Variants in PLXNA4 observed in about 807,000 individuals in gnomAD.
PLXNA4 encodes plexin A4.
A neutral mutation model predicts 191.8 loss-of-function variants in PLXNA4; 44 were observed. The observed-to-expected ratio is 0.23, with a 90% CI of 0.18 to 0.29. PLXNA4 has a LOEUF of 0.29. Among genes scored for constraint, PLXNA4 ranks in the 10% least tolerant of loss-of-function variants. The probability of loss-of-function intolerance (pLI) is 1.00; values close to 1 mark genes in which losing one functional copy is unlikely to be tolerated. For missense variants in PLXNA4, 1,800 were observed against 2,488.8 expected, an observed-to-expected ratio of 0.72 and a Z score of 5.89; for synonymous variants, 1,082 against 1,009.5, an observed-to-expected ratio of 1.07 and a Z score of -1.36.
intron 9 of PLXNA4, among the ~76,000 whole-genome samples, chr7:132,220,379 C>T (rs1020958789): frequency 6.6e-5 from 10 of 152,186 alleles, no homozygotes; most frequent in Non-Finnish European, 1.3e-4. Flanking sequence ...CAAACCTAGA[C>T]CAGAAGCTCC....
At chr7:132,562,351 TTCC>T (rs1249293481) in intron 1 of PLXNA4, among the ~76,000 whole-genome samples, 6 of 77,042 alleles carry the variant, frequency 7.8e-5, no homozygotes, top group East Asian at 4.8e-4. Flanking sequence ...CTTCTTCTCC[TTCC>T]TCCTCCTCCT....
intron 3 of PLXNA4, among the ~76,000 whole-genome samples, chr7:132,413,941 C>T (rs549473759): frequency 1.3e-4 from 20 of 152,282 alleles, no homozygotes; most frequent in Non-Finnish European, 2.4e-4. Flanking sequence ...GTATGCACTC[C>T]GCCACCAGTC....
chr7:132,624,190 C>T (rs1803326461), intron 2 of PLXNA4, among the ~76,000 whole-genome samples: 1 of 152,192 alleles, frequency 6.6e-6, no homozygotes, highest in South Asian at 2.1e-4. Context: ...AGACTGGAAC[C>T]ACATCTTCAG....
chr7:132,574,722 CGGGGT>C (rs1160477444), intron 1 of PLXNA4, among the ~76,000 whole-genome samples: 1 of 152,202 alleles, frequency 6.6e-6, no homozygotes, highest in African/African-American at 2.4e-5. Flanking sequence ...ATCTCCCTCC[CGGGGT>C]GTCTGCGCTT....
intron 3 of PLXNA4, among the ~76,000 whole-genome samples, chr7:132,420,381 C>T (rs999941283): frequency 3.3e-5 from 5 of 152,192 alleles, no homozygotes; most frequent in South Asian, 2.1e-4. Context: ...TCTGCCCTTT[C>T]TAATACTTTT....
At chr7:132,548,638 T>G (rs920074047) in intron 1 of PLXNA4, among the ~76,000 whole-genome samples, 1 of 152,180 alleles carries the variant, frequency 6.6e-6, no homozygotes, top group African/African-American at 2.4e-5. Context: ...AATCTGTTAT[T>G]TCCTAGTTTG....
intron 14 of PLXNA4, among the ~76,000 whole-genome samples, chr7:132,190,600 T>C (rs1440640411): frequency 6.6e-6 from 1 of 152,210 alleles, no homozygotes; most frequent in Admixed American, 6.5e-5. Context: ...GCGCTGCCTA[T>C]GCACTGTGGG....
At chr7:132,643,534 T>C (rs1162708264) in intron 2 of PLXNA4, among the ~76,000 whole-genome samples, 1 of 152,076 alleles carries the variant, frequency 6.6e-6, no homozygotes, top group African/African-American at 2.4e-5. Context: ...GAGGCCGCAT[T>C]AGAACTGCTC....
At position 132,507,597 on chromosome 7, in the gene PLXNA4, C is replaced by T. The variant is rs757423478; in HGVS notation, c.1097G>A (p.Arg366His). Reference protein sequence around the residue: ...CIFILKQINDRIKERLQSCYR... With the variant: ...CIFILKQINDHIKERLQSCYR... Reference sequence around the variant, plus strand: ...ACAAGACTGCAGCCGCTCCTTAATGCGGTCATTTATCTGCTTCAAGATGAA... The same window carrying T: ...ACAAGACTGCAGCCGCTCCTTAATGTGGTCATTTATCTGCTTCAAGATGAA... The change falls in exon 2 of 32, where the codon CGC becomes CAC. Residue 366 changes from arginine to histidine, a missense_variant. By Grantham distance (29) the Arg-to-His change is conservative. This residue lies in a region of PLXNA4 where 1,397 missense variants were observed against 1,880.4 expected (regional missense o/e 0.74). Transcript: ENST00000321063. The T allele has an allele frequency of 3.1e-5, 50 of 1,613,990 alleles. No homozygotes were observed. In the Middle Eastern group the frequency reaches 6.6e-4, roughly 21 times the overall value.
chr7:132,521,159 G>A (rs1318175115), intron 1 of PLXNA4, among the ~76,000 whole-genome samples: 1 of 145,904 alleles, frequency 6.9e-6, no homozygotes, highest in Non-Finnish European at 1.5e-5. Flanking sequence ...GAAGCTGAAC[G>A]GAGATATATT....
intron 4 of PLXNA4, among the ~76,000 whole-genome samples, chr7:132,260,330 T>C (rs1367837003): frequency 1.3e-5 from 2 of 152,232 alleles, no homozygotes; most frequent in Non-Finnish European, 2.9e-5. Context: ...GTACTCATAA[T>C]AAAGAATGAG....
At chr7:132,134,116 C>G (rs1334396706) in intron 30 of PLXNA4, among the ~76,000 whole-genome samples, 1 of 152,152 alleles carries the variant, frequency 6.6e-6, no homozygotes, top group Non-Finnish European at 1.5e-5. Context: ...GTGCATGAAG[C>G]AAGGCACCTA....
intron 4 of PLXNA4, chr7:132,271,401 A>G (rs544232741): frequency 2.7e-5 from 4 of 149,994 alleles, no homozygotes; most frequent in South Asian, 2.1e-4. Context: ...AAATAAATAG[A>G]TAGGGAAACA....
At chr7:132,465,224 G>A (rs576605817) in intron 3 of PLXNA4, among the ~76,000 whole-genome samples, 22 of 152,164 alleles carry the variant, frequency 1.4e-4, no homozygotes, top group Non-Finnish European at 2.8e-4. Context: ...GCCTCTAGTT[G>A]TGCTGCATTG....
intron 3 of PLXNA4, among the ~76,000 whole-genome samples, chr7:132,353,130 TG>T (rs1322789109): frequency 6.6e-6 from 1 of 152,216 alleles, no homozygotes; most frequent in African/African-American, 2.4e-5. Flanking sequence ...GCCATGTGCT[TG>T]TTTATTTTTA....
intron 3 of PLXNA4, among the ~76,000 whole-genome samples, chr7:132,382,860 T>C (rs1193925081): frequency 6.6e-6 from 1 of 152,170 alleles, no homozygotes; most frequent in Non-Finnish European, 1.5e-5. Context: ...CATGTGTATA[T>C]TTATATATAC....
chr7:132,442,893 G>A (rs113291472), intron 3 of PLXNA4, among the ~76,000 whole-genome samples: 2,192 of 152,252 alleles, frequency 0.014, 28 homozygotes, highest in African/African-American at 0.028. Context: ...GTCAAACCCC[G>A]GGACACAGTG....
chr7:132,137,983 TGGAA>T (rs1238748780), intron 30 of PLXNA4, among the ~76,000 whole-genome samples: 1 of 131,688 alleles, frequency 7.6e-6, no homozygotes, highest in African/African-American at 2.9e-5. Flanking sequence ...GGAGACTAGA[TGGAA>T]GGATGAGTGG....
chr7:132,283,563 A>G (rs1463985933), intron 4 of PLXNA4, among the ~76,000 whole-genome samples: 1 of 151,982 alleles, frequency 6.6e-6, no homozygotes, highest in Non-Finnish European at 1.5e-5. Flanking sequence ...CCCAAATCGC[A>G]AGAAGAACTC....
Sources: gnomAD v4.1 joint callset for allele counts (sites outside exome capture counted in the v4.1 genomes callset) on GRCh38, gnomAD v4.1.1 for gene constraint, gnomAD v4.1.1 regional missense constraint, MANE v1.5 for transcripts, NCBI Gene and HGNC (gene_info 2026-07-23, HGNC 2026-07-21) for gene names.